The following EYS variants were observed in gnomAD, a reference collection of about 807,000 sequenced individuals.
The protein encoded by EYS is EGF-like photoreceptor maintenance factor.
A neutral mutation model predicts 282.1 loss-of-function variants in EYS; 250 were observed. The ratio of observed to expected loss-of-function variants is 0.89; its 90% CI spans 0.80 to 0.98. EYS has a LOEUF of 0.98. EYS is among the 50% of genes least tolerant of loss of function. The pLI, the probability that EYS is intolerant of heterozygous loss-of-function variation, is 0.00. For missense variants in EYS, 4,016 were observed against 3,709.0 expected, an observed-to-expected ratio of 1.08 and a Z score of -2.15; for synonymous variants, 1,355 against 1,282.9, an observed-to-expected ratio of 1.06 and a Z score of -1.20.
At chr6:64,613,234 ACT>A (rs1258320144) in intron 24 of EYS, among the ~76,000 whole-genome samples, 2 of 152,112 alleles carry the variant, frequency 1.3e-5, no homozygotes, top group Non-Finnish European at 2.9e-5. Flanking sequence ...CCTTCTAGTA[ACT>A]CTGAAAAACA....
intron 12 of EYS, among the ~76,000 whole-genome samples, chr6:65,067,157 C>T (rs1773769805): frequency 6.6e-6 from 1 of 152,052 alleles, no homozygotes. Context: ...CCCAAAGGGA[C>T]AAAGAGACAT....
chr6:64,569,070 A>G (rs1765643371), intron 26 of EYS, among the ~76,000 whole-genome samples: 1 of 151,788 alleles, frequency 6.6e-6, no homozygotes, highest in African/African-American at 2.4e-5. Flanking sequence ...GAAAATCCAA[A>G]AACCAGAACT....
chr6:64,497,331 C>G (rs1375575100), intron 26 of EYS, among the ~76,000 whole-genome samples: 1 of 152,106 alleles, frequency 6.6e-6, no homozygotes, highest in Non-Finnish European at 1.5e-5. Context: ...ATTCTGCATT[C>G]AAAATACATA....
chr6:64,489,535 A>C (rs1037275906), intron 26 of EYS, among the ~76,000 whole-genome samples: 3 of 147,392 alleles, frequency 2.0e-5, no homozygotes, highest in Non-Finnish European at 4.5e-5. Flanking sequence ...TATCAATATA[A>C]ATATTTTAAT....
At chr6:65,117,208 C>T (rs921506746) in intron 12 of EYS, among the ~76,000 whole-genome samples, 5 of 152,252 alleles carry the variant, frequency 3.3e-5, no homozygotes, top group Admixed American at 6.5e-5. Flanking sequence ...ACCAAATGAA[C>T]GAACCAAATG....
At chr6:65,425,282 T>C (rs1437407979) in intron 5 of EYS, among the ~76,000 whole-genome samples, 2 of 152,108 alleles carry the variant, frequency 1.3e-5, no homozygotes, top group African/African-American at 4.8e-5. Context: ...AGAGAATTAA[T>C]ATAGTCAATT....
At chr6:64,791,539 T>C (rs1774191458) in intron 22 of EYS, among the ~76,000 whole-genome samples, 1 of 151,908 alleles carries the variant, frequency 6.6e-6, no homozygotes, top group Non-Finnish European at 1.5e-5. Flanking sequence ...TAAAATTATC[T>C]CTACATTTTA....
chr6:64,917,032 C>T (rs550895180), intron 15 of EYS, among the ~76,000 whole-genome samples: 1 of 152,206 alleles, frequency 6.6e-6, no homozygotes, highest in South Asian at 2.1e-4. Context: ...GGGTGGATCA[C>T]GAGGTCAGGA....
chr6:64,720,520 A>T (rs573966096), intron 22 of EYS, among the ~76,000 whole-genome samples: 1 of 152,240 alleles, frequency 6.6e-6, no homozygotes, highest in African/African-American at 2.4e-5. Flanking sequence ...GGAACACATG[A>T]TTTCTTAAAT....
chr6:64,844,704 A>C (rs1765668587), intron 19 of EYS, among the ~76,000 whole-genome samples: 1 of 152,184 alleles, frequency 6.6e-6, no homozygotes, highest in African/African-American at 2.4e-5. Context: ...AATAGTGGAA[A>C]TGGATGAGTA....
chr6:65,113,115 C>T (rs537864699), intron 12 of EYS, among the ~76,000 whole-genome samples: 31 of 152,090 alleles, frequency 2.0e-4, no homozygotes, highest in African/African-American at 6.7e-4. Flanking sequence ...TAGTTGTGCA[C>T]GTAAGCAGAA....
chr6:64,907,424 A>G (rs1169585652), intron 16 of EYS, among the ~76,000 whole-genome samples: 2 of 152,108 alleles, frequency 1.3e-5, no homozygotes, highest in African/African-American at 4.8e-5. Context: ...TTCCCACTTA[A>G]TTAACTCTTT....
At chr6:65,510,507 A>G (rs1318443944) in intron 2 of EYS, among the ~76,000 whole-genome samples, 1 of 152,126 alleles carries the variant, frequency 6.6e-6, no homozygotes, top group Middle Eastern at 3.2e-3. Context: ...CAAAAATATC[A>G]TTTGATTCAC....
intron 22 of EYS, among the ~76,000 whole-genome samples, chr6:64,795,929 T>C (rs748048310): frequency 9.2e-5 from 14 of 152,122 alleles, no homozygotes; most frequent in Admixed American, 4.6e-4. Context: ...TCTACAGAAA[T>C]GGAGAGAGAT....
At chr6:64,945,228 A>G (rs1769245824) in intron 15 of EYS, among the ~76,000 whole-genome samples, 1 of 151,978 alleles carries the variant, frequency 6.6e-6, no homozygotes, top group African/African-American at 2.4e-5. Flanking sequence ...AACAAGCAAA[A>G]AACAACTCCA....
intron 5 of EYS, among the ~76,000 whole-genome samples, chr6:65,407,744 C>CGTGTGTGTGTGT (rs71002305): frequency 1.4e-5 from 2 of 144,124 alleles, no homozygotes; most frequent in African/African-American, 2.6e-5. Context: ...CTAATAAGTC[C>CGTGTGTGTGTGT]GTGTGTGTGT....
At chr6:65,347,724 C>G (rs902343189) in intron 9 of EYS, among the ~76,000 whole-genome samples, 1 of 151,602 alleles carries the variant, frequency 6.6e-6, no homozygotes, top group African/African-American at 2.4e-5. Flanking sequence ...CTTGGTGTTA[C>G]AGATAACCCA....
At chr6:64,757,015 C>G (rs1244136561) in intron 22 of EYS, among the ~76,000 whole-genome samples, 1 of 151,716 alleles carries the variant, frequency 6.6e-6, no homozygotes, top group Non-Finnish European at 1.5e-5. Flanking sequence ...GATGGATCTT[C>G]ACATATACGT....
intron 28 of EYS, among the ~76,000 whole-genome samples, chr6:64,427,581 G>T (rs181140363): frequency 3.3e-5 from 5 of 152,090 alleles, no homozygotes; most frequent in African/African-American, 1.2e-4. Flanking sequence ...ATAACAAAAA[G>T]ATATTTGACT....
Sources: gnomAD v4.1 joint callset for allele counts (sites outside exome capture counted in the v4.1 genomes callset) on GRCh38, gnomAD v4.1.1 for gene constraint, MANE v1.5 for transcripts, NCBI Gene and HGNC (gene_info 2026-07-23, HGNC 2026-07-21) for gene names.